The following TRIM14 variants were observed in gnomAD, a reference collection of about 807,000 sequenced individuals.
The protein encoded by TRIM14 is tripartite motif-containing protein 14.
A neutral mutation model predicts 44.5 loss-of-function variants in TRIM14; 28 were observed. The ratio of observed to expected loss-of-function variants is 0.63; its 90% confidence interval spans 0.47 to 0.86. The LOEUF is 0.86. Among genes scored for constraint, TRIM14 ranks in the 40% least tolerant of loss-of-function variants. The probability of loss-of-function intolerance (pLI) is 0.00; values close to 1 mark genes in which losing one functional copy is unlikely to be tolerated. For synonymous variants in TRIM14, 299 were observed against 269.2 expected (o/e 1.11, Z -1.08); for missense variants, 607 against 611.1 (o/e 0.99, Z 0.07).
intron 6 of TRIM14, among the ~76,000 whole-genome samples, chr9:98,073,686 CT>C (rs1334223934): frequency 6.6e-6 from 1 of 152,162 alleles, no homozygotes; most frequent in African/African-American, 2.4e-5. Flanking sequence ...TTCCTTACCC[CT>C]GACTCAGATC....
chr9:98,087,969 T>TGCATCGTGTCAGGATCCAGCGTGG lies in TRIM14; in HGVS notation c.806_829dup (p.Pro269_Met276dup). The TGCATCGTGTCAGGATCCAGCGTGG allele has an allele frequency of 6.4e-7, 1 of 1,560,920 alleles. No individual in the cohort carries two copies. Among genetic ancestry groups the TGCATCGTGTCAGGATCCAGCGTGG allele is most frequent in the Middle Eastern group, 1.8e-4 (1 of 5,560 alleles). On this transcript the variant is annotated inframe_insertion, in exon 6 of 6. Coordinates refer to ENST00000341469, the MANE Select transcript of TRIM14 (RefSeq NM_014788.4). ...ATCGGCGGACAGGCGCAGGCGCGCG[T>TGCATCGTGTCAGGATCCAGCGTGG]GCATCGTGTCAGGATCCAGCGTGGG...
chr9:98,118,920 C>T, intron 1 of TRIM14, 62 bp downstream of exon 1: 6 of 1,425,494 alleles, frequency 4.2e-6, no homozygotes, highest in Non-Finnish European at 1.8e-6. Flanking sequence ...CCTCCTCGGC[C>T]GTTATGCCTG....
chr9:98,088,134 C>T, intron 5 of TRIM14, 129 bp from the exon 6 acceptor site: 1 of 1,100,940 alleles, frequency 9.1e-7, no homozygotes, highest in Non-Finnish European at 1.2e-6. Flanking sequence ...GAAGGGGTGA[C>T]AGACCCCTTT....
Position 98,115,246 on chromosome 9 carries a change from C to T in TRIM14, c.207+3736G>A, listed in dbSNP as rs12684612. The stretch of plus-strand genomic sequence containing the variant: ...CTGGGACTACAGGTACATGCCACCA[C>T]GCTTGGCTAATTTTTCTTTCTGAGG... On this transcript the variant is annotated intron_variant, in intron 1 of 5. Transcript: ENST00000341469. Among the ~76,000 whole-genome samples, 281 of 151,414 alleles carry T rather than the reference C, an allele frequency of 1.9e-3. 3 individuals are homozygous for T. The East Asian group carries it at 0.037, about 20-fold the overall frequency.
At position 98,087,569 on chromosome 9, in the gene TRIM14, G is replaced by A; in HGVS notation, c.1230C>T (p.Gly410=). ...GVLAFYDVTG[G]MSHLHTFRAT... ...CGCGGAAGGTATGCAGGTGGCTCATGCCGCCCGTCACGTCGTAGAAGGCGA... is the reference window on the plus strand; with the variant it reads ...CGCGGAAGGTATGCAGGTGGCTCATACCGCCCGTCACGTCGTAGAAGGCGA... The change falls in exon 6 of 6, where the codon GGC becomes GGT. Residue 410 remains glycine, a synonymous_variant. Coordinates refer to ENST00000341469, the MANE Select transcript of TRIM14 (RefSeq NM_014788.4). 6.3e-7 allele frequency: 1 copy of A among 1,596,892 alleles called. No homozygotes were observed.
In TRIM14 at chr9:98,071,064, G is replaced by A. The variant is rs375278658; in HGVS notation, c.*29-1377C>T. On this transcript the variant is annotated intron_variant, in intron 6 of 6. Transcript: ENST00000375098. The stretch of plus-strand genomic sequence containing the variant: ...TGGGCCTCAAACAGTCTCCCACCTC[G>A]GCCTCCCAAAGTGCTAGGATTACAG... 5.3e-5 allele frequency among the ~76,000 whole-genome samples: 8 copies of A among 152,066 alleles called. No individual in the cohort carries two copies. In the South Asian group the frequency reaches 8.3e-4, roughly 16 times the overall value.
chr9:98,056,809 A>T, the TRIM14 span: 11 of 1,592,432 alleles, frequency 6.9e-6, no homozygotes, highest in South Asian at 1.1e-4. Flanking sequence ...AGCCGCTGCA[A>T]TGCCGCTGGA....
At chr9:98,083,202 T>C, downstream of TRIM14, 1 of 746,844 alleles carries the variant, frequency 1.3e-6, no homozygotes, top group Non-Finnish European at 2.1e-6. Context: ...GTTTCTGGGC[T>C]AGGCCCTGTG....
Position 98,091,897 on chromosome 9 carries a change from C to G in TRIM14, c.793+12G>C. The stretch of plus-strand genomic sequence containing the variant: ...ACCGTCTCCACCCTATCCCCACTCC[C>G]GGGGGTCTTACATTTCAGCAATAGC... On this transcript the variant is annotated intron_variant, in intron 5 of 5. Transcript: ENST00000341469. The G allele has an allele frequency of 6.3e-7, 1 of 1,582,072 alleles. No homozygotes were observed. The highest frequency in any genetic ancestry group is 8.6e-7 in the Non-Finnish European group (1 of 1,160,458).
intron 2 of TRIM14, among the ~76,000 whole-genome samples, chr9:98,108,036 C>T (rs1826688427): frequency 6.6e-6 from 1 of 150,446 alleles, no homozygotes; most frequent in South Asian, 2.1e-4. Context: ...TTATGCAAAT[C>T]TATACATGTG....
chr9:98,039,545 G>A, the TRIM14 span, among the ~76,000 whole-genome samples: 13 of 152,122 alleles, frequency 8.5e-5, no homozygotes, highest in Non-Finnish European at 1.8e-4. Context: ...AGAAATTATG[G>A]TTCAAGAGTC....
intron 5 of TRIM14, among the ~76,000 whole-genome samples, chr9:98,090,853 C>G (rs1479606429): frequency 6.6e-6 from 1 of 152,264 alleles, no homozygotes; most frequent in East Asian, 1.9e-4. Context: ...TGTGAGCCAC[C>G]GTGCTCGGCC....
At chr9:98,057,968 G>A in the TRIM14 span, among the ~76,000 whole-genome samples, 5 of 124,080 alleles carry the variant, frequency 4.0e-5, no homozygotes, top group Non-Finnish European at 8.0e-5. Context: ...TATCACCCAG[G>A]CTGGAGTGCA....
chr9:98,109,871 G>A lies in TRIM14; in HGVS notation c.303+18C>T. The A allele has an allele frequency of 6.2e-7, 1 of 1,601,242 alleles. No individual in the cohort carries two copies. Among genetic ancestry groups the A allele is most frequent in the African/African-American group, 1.3e-5 (1 of 74,516 alleles). ...ATGTGGGTCTTTCCATGGGTATGAG[G>A]AAGAAATGTCCACTTGCCTTGAGCT... is the stretch of plus-strand genomic sequence containing the variant. On this transcript the variant is annotated intron_variant, in intron 2 of 5. Coordinates refer to ENST00000341469, the MANE Select transcript of TRIM14 (RefSeq NM_014788.4).
At chr9:98,077,785 G>A (rs1829655219) in intron 6 of TRIM14, among the ~76,000 whole-genome samples, 2 of 152,184 alleles carry the variant, frequency 1.3e-5, no homozygotes, top group Admixed American at 1.3e-4. Context: ...CTGAGACTCA[G>A]AGACGGACAG....
the TRIM14 span, among the ~76,000 whole-genome samples, chr9:98,054,833 G>A: frequency 1.3e-5 from 2 of 152,182 alleles, no homozygotes; most frequent in Non-Finnish European, 2.9e-5. Context: ...AATCCCGAAT[G>A]AGCCCCCAAA....
At chr9:98,064,701 G>GTATCACACA (rs1829084175), downstream of TRIM14, among the ~76,000 whole-genome samples, 1 of 152,190 alleles carries the variant, frequency 6.6e-6, no homozygotes, top group African/African-American at 2.4e-5. Flanking sequence ...CACACAGTTA[G>GTATCACACA]GAAATGGGTC....
downstream of TRIM14, chr9:98,083,129 A>C: frequency 1.4e-6 from 2 of 1,441,096 alleles, no homozygotes; most frequent in East Asian, 2.4e-5. Context: ...AGGCGAGGGC[A>C]GGAATGGCGG....
chr9:98,079,013 ACT>A (rs761707824), intron 6 of TRIM14, among the ~76,000 whole-genome samples: 1 of 151,172 alleles, frequency 6.6e-6, no homozygotes, highest in Non-Finnish European at 1.5e-5. Flanking sequence ...TTATTTGCTG[ACT>A]CTCTTATTTT....
Sources: gnomAD v4.1 joint callset for allele counts (sites outside exome capture counted in the v4.1 genomes callset) on GRCh38, gnomAD v4.1.1 for gene constraint, MANE v1.5 for transcripts, NCBI Gene and HGNC (gene_info 2026-07-23, HGNC 2026-07-21) for gene names.